Variants in TCF20 observed in about 807,000 individuals in gnomAD.
TCF20 encodes the protein transcription factor 20, also known as SPRE-binding protein.
A neutral mutation model predicts 148.6 loss-of-function variants in TCF20; 3 were observed. The ratio of observed to expected loss-of-function variants is 0.02; its 90% CI spans 0.01 to 0.05. TCF20 has a LOEUF of 0.05. TCF20 is among the 10% of genes least tolerant of loss of function. TCF20 has a pLI of 1.00. For missense variants in TCF20, 2,350 were observed against 2,429.3 expected (o/e 0.97, Z 0.69); for synonymous variants, 1,049 against 909.5 (o/e 1.15, Z -2.76).
rs1366074628 is a variant in TCF20, at chr22:42,214,312, T to C, written c.994A>G (p.Thr332Ala). Residue 332 changes from threonine (T) to alanine (A), a missense_variant, in exon 2 of 6, where the codon ACT becomes GCT. Physicochemically the swap from Thr to Ala is moderately conservative, Grantham distance 58. Around this residue, in one of 7 missense-constraint regions of TCF20, gnomAD observed 1,641 missense variants for 1,662.6 expected, o/e 0.99. Coordinates refer to ENST00000677622, the MANE Select transcript of TCF20 (RefSeq NM_001378418.1). ...AGGGGCAGCTTGGTGGCAGCGTTAGTATACTGCATCACATGCTGAGAAGGG... is the reference window on the plus strand; with the variant it reads ...AGGGGCAGCTTGGTGGCAGCGTTAGCATACTGCATCACATGCTGAGAAGGG... ...QHPSQHVMQY[T>A]NAATKLPLQS... 9 of 1,614,222 alleles carry C rather than the reference T, an allele frequency of 5.6e-6. No individual in the cohort carries two copies. Among genetic ancestry groups the C allele is most frequent in the Non-Finnish European group, 6.8e-6 (8 of 1,180,042 alleles).
Position 42,214,705 on chromosome 22 carries a change from G to T in TCF20, c.601C>A (p.Pro201Thr). 6.2e-7 allele frequency: 1 copy of T among 1,614,180 alleles called. No homozygotes were observed. Among genetic ancestry groups the T allele is most frequent in the Non-Finnish European group, 8.5e-7 (1 of 1,180,042 alleles). The stretch of plus-strand genomic sequence containing the variant: ...TGTAGATGGGATGAGCTGGATGCTG[G>T]TTGGCCAGTGGCCTGTGGCAGGGGC... ...HQPLPQATGQ[P>T]ASSSSHLQPM... The change falls in exon 2 of 6, where the codon CCA (proline) becomes ACA (threonine). Residue 201 changes from proline (P) to threonine (T), a missense_variant. Pro to Thr is a conservative substitution (Grantham distance 38). This residue lies in a region of TCF20 where 1,641 missense variants were observed against 1,662.6 expected (regional missense o/e 0.99). Coordinates refer to ENST00000677622, the MANE Select transcript of TCF20 (RefSeq NM_001378418.1).
At chr22:42,177,671 A>G (rs2147086847) in intron 3 of TCF20, among the ~76,000 whole-genome samples, 1 of 152,336 alleles carries the variant, frequency 6.6e-6, no homozygotes, top group Non-Finnish European at 1.5e-5. Flanking sequence ...CAGCAAAGAA[A>G]ATACAACACT....
At chr22:42,233,481 G>GAAT (rs1489460669) in intron 1 of TCF20, among the ~76,000 whole-genome samples, 1 of 152,222 alleles carries the variant, frequency 6.6e-6, no homozygotes, top group African/African-American at 2.4e-5. Flanking sequence ...CCTTCTGCGT[G>GAAT]AATAATACCA....
At chr22:42,303,950 G>A (rs911099176) in intron 1 of TCF20, among the ~76,000 whole-genome samples, 3 of 151,990 alleles carry the variant, frequency 2.0e-5, no homozygotes, top group African/African-American at 7.3e-5. Flanking sequence ...AGGAGAAAGA[G>A]TGAAGAGGGG....
At position 42,161,218 on chromosome 22, in the gene TCF20, T is replaced by C. The variant is rs1444577303; in HGVS notation, c.*185A>G. 4.7e-5 allele frequency: 55 copies of C among 1,161,262 alleles called. No homozygotes were observed. The highest frequency in any genetic ancestry group is 6.7e-5 in the Non-Finnish European group (54 of 811,560). The allele number at this position is 1,161,262 out of a possible 1,614,324, so 71.9% of individuals were successfully genotyped here. ...TCCTGTGGTGTCACTGGTTTGAGTG[T>C]GATGTGAGAACTTAAGGAAGTGCTG... On this transcript the variant is annotated 3_prime_UTR_variant, in exon 6 of 6. Coordinates refer to ENST00000677622, the MANE Select transcript of TCF20 (RefSeq NM_001378418.1).
At chr22:42,184,435 T>C (rs1391409277) in intron 2 of TCF20, among the ~76,000 whole-genome samples, 1 of 152,214 alleles carries the variant, frequency 6.6e-6, no homozygotes, top group Non-Finnish European at 1.5e-5. Flanking sequence ...ATCTTCCATG[T>C]GTAAGGTTTT....
intron 2 of TCF20, among the ~76,000 whole-genome samples, chr22:42,200,523 C>T (rs1311694507): frequency 6.6e-6 from 1 of 151,970 alleles, no homozygotes; most frequent in Non-Finnish European, 1.5e-5. Context: ...TGCTTGTAAT[C>T]CCAGCTACTT....
At chr22:42,187,545 C>T (rs1223243247) in intron 2 of TCF20, among the ~76,000 whole-genome samples, 1 of 152,240 alleles carries the variant, frequency 6.6e-6, no homozygotes, top group Admixed American at 6.5e-5. Context: ...AGGTCCAAAT[C>T]TCTTGAGTGT....
At chr22:42,304,101 TG>T (rs1927390230) in intron 1 of TCF20, among the ~76,000 whole-genome samples, 1 of 151,774 alleles carries the variant, frequency 6.6e-6, no homozygotes, top group East Asian at 1.9e-4. Flanking sequence ...TTGGCGGTGA[TG>T]GGGCCATATT....
At chr22:42,271,155 G>A (rs911902450), upstream of TCF20, among the ~76,000 whole-genome samples, 1 of 152,220 alleles carries the variant, frequency 6.6e-6, no homozygotes, top group Non-Finnish European at 1.5e-5. Flanking sequence ...CTGGGCCGGG[G>A]GCAGCCCAAG....
intron 5 of TCF20, among the ~76,000 whole-genome samples, chr22:42,166,889 T>G (rs1350774838): frequency 6.6e-6 from 1 of 151,950 alleles, no homozygotes; most frequent in African/African-American, 2.4e-5. Flanking sequence ...GGCACAGGGG[T>G]GACAATGGGA....
intron 1 of TCF20, among the ~76,000 whole-genome samples, chr22:42,244,788 A>T (rs555413469): frequency 9.2e-5 from 14 of 152,226 alleles, no homozygotes; most frequent in African/African-American, 3.1e-4. Flanking sequence ...ATATCAATTT[A>T]AAAAAATCTG....
intron 2 of TCF20, among the ~76,000 whole-genome samples, chr22:42,188,260 T>A (rs1166198030): frequency 9.0e-6 from 1 of 111,130 alleles, no homozygotes; most frequent in Non-Finnish European, 1.7e-5. Context: ...GCCATTGTAC[T>A]CCAGCCTGGG....
rs73886017 is a variant in TCF20, at chr22:42,290,822, C to G, written c.-37+52657G>C. On this transcript the variant is annotated intron_variant, in intron 1 of 1. Coordinates refer to the TCF20 transcript ENST00000515426. The surrounding 1 kb of genome is among the most constrained non-coding windows in gnomAD (Gnocchi z 4.2). Reference sequence around the variant, plus strand: ...CCCAGAGCACACAGGGGCCTTGGGGCAGGCCTGCTGCCCATCCTGGTCCAC... The same window carrying G: ...CCCAGAGCACACAGGGGCCTTGGGGGAGGCCTGCTGCCCATCCTGGTCCAC... 3.5e-3 allele frequency among the ~76,000 whole-genome samples: 528 copies of G among 152,332 alleles called. 2 individuals are homozygous for G. The highest frequency in any genetic ancestry group is 0.012 in the African/African-American group (506 of 41,566).
At chr22:42,337,454 C>T (rs536547269) in intron 1 of TCF20, among the ~76,000 whole-genome samples, 1 of 152,322 alleles carries the variant, frequency 6.6e-6, no homozygotes, top group South Asian at 2.1e-4. Flanking sequence ...ACTGCCAATG[C>T]TTGGTGTCCC....
chr22:42,333,679 ACACACAGTATGCCTACTGCTC>A (rs910077630), intron 1 of TCF20, among the ~76,000 whole-genome samples: 1 of 152,212 alleles, frequency 6.6e-6, no homozygotes, highest in African/African-American at 2.4e-5. Context: ...AGAGACCAGA[ACACACAGTATGCCTACTGCTC>A]CACGCAGTAG....
chr22:42,253,182 T>C (rs973061912), intron 1 of TCF20, among the ~76,000 whole-genome samples: 2 of 152,220 alleles, frequency 1.3e-5, no homozygotes. Flanking sequence ...GCAAAGAGAA[T>C]GCATTAGTTC....
At chr22:42,169,748 G>T in intron 4 of TCF20, 99 bp downstream of exon 4, 1 of 1,270,588 alleles carries the variant, frequency 7.9e-7, no homozygotes, top group Non-Finnish European at 1.1e-6. Context: ...GGTGGGGACA[G>T]GTGTGGGTGA....
Position 42,340,719 on chromosome 22 carries a change from G to A in TCF20, c.-37+2760C>T, listed in dbSNP as rs543295144. ...AGAGCAGTAGAGGGCCTAACCCAAG[G>A]TCACAGAGTCATCAGGACGCACAGC... On this transcript the variant is annotated intron_variant, in intron 1 of 1. Transcript: ENST00000515426. Among the ~76,000 whole-genome samples the A allele has an allele frequency of 3.9e-5, 6 of 152,314 alleles. No individual in the cohort carries two copies. In the East Asian group the frequency reaches 1.2e-3, roughly 29 times the overall value.
Sources: gnomAD v4.1 joint callset for allele counts (sites outside exome capture counted in the v4.1 genomes callset) on GRCh38, gnomAD v4.1.1 for gene constraint, gnomAD v4.1.1 regional missense constraint, Gnocchi (gnomAD v3.1) non-coding constraint, MANE v1.5 for transcripts, NCBI Gene and HGNC (gene_info 2026-07-23, HGNC 2026-07-21) for gene names.